FTSJ3: variants seen among roughly 807,000 people sequenced by gnomAD.
The protein encoded by FTSJ3 is FtsJ RNA 2'-O-methyltransferase 3.
FTSJ3 carries 46 observed loss-of-function variants against 111.5 expected under a neutral mutation model. The observed-to-expected ratio is 0.41, with a 90% CI of 0.33 to 0.53. FTSJ3 has a LOEUF of 0.53. Ranked by LOEUF, FTSJ3 falls within the 20% of genes least tolerant of loss-of-function variation. FTSJ3 has a pLI of 0.19. For missense variants in FTSJ3, 1,075 were observed against 1,063.8 expected (o/e 1.01, Z -0.15); for synonymous variants, 408 against 383.0 (o/e 1.07, Z -0.76).
intron 5 of FTSJ3, 60 bp from the exon 6 acceptor site, chr17:63,825,695 T>C (rs542732916): frequency 1.4e-6 from 2 of 1,458,380 alleles, no homozygotes; most frequent in African/African-American, 2.8e-5. Flanking sequence ...GGTTCAGCCA[T>C]TTGTCCATCT....
Position 63,827,080 on chromosome 17 carries a change from T to C in FTSJ3, c.-55A>G, listed in dbSNP as rs1598352208. The stretch of plus-strand genomic sequence containing the variant: ...GACCCAGAGCCGCTTTCTCCACACT[T>C]GGAACCGCACAAGTATGCAGCTAAC... On this transcript the variant is annotated 5_prime_UTR_variant, in exon 1 of 21. Transcript: ENST00000427159. 20 of 634,904 alleles carry C rather than the reference T, an allele frequency of 3.2e-5. No homozygotes were observed. The South Asian group carries it at 3.7e-4, about 12-fold the overall frequency. 39.3% of individuals were successfully genotyped at this position (634,904 alleles called of 1,614,324 possible).
intron 19 of FTSJ3, 39 bp downstream of exon 19, chr17:63,820,215 AC>A (rs780838599): frequency 3.6e-6 from 1 of 279,814 alleles, no homozygotes; most frequent in African/African-American, 6.7e-5. Flanking sequence ...CCATCCCCCC[AC>A]CCCCACCCCA....
chr17:63,825,454 T>C lies in FTSJ3; in HGVS notation c.401-18A>G, dbSNP rs1157787730. 3 of 1,613,890 alleles carry C rather than the reference T, an allele frequency of 1.9e-6. No homozygotes were observed. The South Asian group carries it at 3.3e-5, about 18-fold the overall frequency. ...CAAATGGGCTGTAGGATAGAGACAA[T>C]TAGTTGACGCACTCTGCAGCCCAGG... is the stretch of plus-strand genomic sequence containing the variant. On this transcript the variant is annotated intron_variant, in intron 6 of 20. Transcript: ENST00000427159.
chr17:63,824,376 T>C lies in FTSJ3; in HGVS notation c.953A>G (p.Tyr318Cys). The change falls in exon 11 of 21, where the codon TAT (tyrosine) becomes TGT (cysteine). Residue 318 changes from tyrosine to cysteine, a missense_variant. Tyr to Cys is a radical substitution (Grantham distance 194). Coordinates refer to ENST00000427159, the MANE Select transcript of FTSJ3 (RefSeq NM_017647.4). ...LLNWRTKLRR[Y>C]VAKKLKEQAK... Reference sequence around the variant, plus strand: ...TTGTTCTTTCAGCTTCTTGGCCACATATCGCCGAAGTTTTGTTCTCCAGTT... The same window carrying C: ...TTGTTCTTTCAGCTTCTTGGCCACACATCGCCGAAGTTTTGTTCTCCAGTT... 3 of 1,614,206 alleles carry C rather than the reference T, an allele frequency of 1.9e-6. No individual in the cohort carries two copies. The highest frequency in any genetic ancestry group is 2.5e-6 in the Non-Finnish European group (3 of 1,180,052).
chr17:63,827,325 C>A lies in FTSJ3; in HGVS notation c.-300G>T. 1 of 864,228 alleles carries A rather than the reference C, an allele frequency of 1.2e-6. No homozygotes were observed. The highest frequency in any genetic ancestry group is 1.7e-5 in the African/African-American group (1 of 59,456). 53.5% of individuals were successfully genotyped at this position (864,228 alleles called of 1,614,324 possible). On this transcript the variant is annotated 5_prime_UTR_variant, in exon 1 of 21. Transcript: ENST00000427159. Reference sequence around the variant, plus strand: ...CATCCCCTTCCAAAGCCCCTGAACTCGAGTAGCCGCCCCTCCCATCATGGT... The same window carrying A: ...CATCCCCTTCCAAAGCCCCTGAACTAGAGTAGCCGCCCCTCCCATCATGGT...
chr17:63,821,362 T>G lies in FTSJ3; in HGVS notation c.1878A>C (p.Glu626Asp), dbSNP rs780034648. ...CAGCTGCAACTACTCACCTCTCTTC[T>G]TCCTCACTGCTAGTACTGCTATCAC... ...SDSDSSTSSE[E>D]EESWEPLRGK... The change falls in exon 16 of 21, where the codon GAA (glutamate) becomes GAC (aspartate). Residue 626 changes from glutamate (E) to aspartate (D), a missense_variant. This residue lies in a region of FTSJ3 where 867 missense variants were observed against 796.9 expected (regional missense o/e 1.09). Coordinates refer to ENST00000427159, the MANE Select transcript of FTSJ3 (RefSeq NM_017647.4). The G allele has an allele frequency of 1.9e-6, 3 of 1,605,606 alleles. No individual in the cohort carries two copies. In the Admixed American group the frequency reaches 5.1e-5, roughly 27 times the overall value.
Position 63,827,272 on chromosome 17 carries a change from A to G in FTSJ3, c.-247T>C. ...CTATAAACAGAGTTTCAATGAGGCA[A>G]CACTGAGGAGGAGTTCTACTCCTTC... On this transcript the variant is annotated 5_prime_UTR_variant, in exon 1 of 21. Transcript: ENST00000427159. The G allele has an allele frequency of 1.6e-6, 1 of 623,544 alleles. No individual in the cohort carries two copies. The highest frequency in any genetic ancestry group is 2.9e-5 in the Admixed American group (1 of 34,394). 38.6% of individuals were successfully genotyped at this position (623,544 alleles called of 1,614,324 possible).
At chr17:63,821,686 T>C (rs761918123) in intron 15 of FTSJ3, 37 bp downstream of exon 15, 2 of 1,613,914 alleles carry the variant, frequency 1.2e-6, no homozygotes, top group African/African-American at 2.7e-5. Flanking sequence ...CAAGGAAGAC[T>C]CATCTCCCCG....
At chr17:63,823,078 G>C (rs1354282318) in intron 13 of FTSJ3, among the ~76,000 whole-genome samples, 1 of 152,030 alleles carries the variant, frequency 6.6e-6, no homozygotes, top group Non-Finnish European at 1.5e-5. Context: ...CCACACATAA[G>C]CCACAAAAGT....
At position 63,821,032 on chromosome 17, in the gene FTSJ3, G is replaced by T; in HGVS notation, c.1970C>A (p.Pro657Gln). 1 of 1,613,896 alleles carries T rather than the reference G, an allele frequency of 6.2e-7. No homozygotes were observed. The highest frequency in any genetic ancestry group is 8.5e-7 in the Non-Finnish European group (1 of 1,179,818). The change falls in exon 17 of 21, where the codon CCA becomes CAA. Residue 657 changes from proline (P) to glutamine (Q), a missense_variant and splice_region_variant. By Grantham distance (76) the Pro-to-Gln change is moderately conservative. Around this residue, in one of 2 missense-constraint regions of FTSJ3, gnomAD observed 867 missense variants for 796.9 expected, o/e 1.09. Coordinates refer to ENST00000427159, the MANE Select transcript of FTSJ3 (RefSeq NM_017647.4). Reference protein sequence around the residue: ...DGFEIVPIEDPAKHRILDPEG... With the variant: ...DGFEIVPIEDQAKHRILDPEG... The stretch of plus-strand genomic sequence containing the variant: ...TCCACTGCATACAGAGCTCTCACCT[G>T]GGTCCTCAATAGGCACTATCTCAAA...
In FTSJ3 at chr17:63,827,355, T is replaced by G. The variant is rs575604505; in HGVS notation, c.-330A>C. On this transcript the variant is annotated 5_prime_UTR_variant, in exon 1 of 21. Transcript: ENST00000427159. ...AGCCGCCCCTCCCATCATGGTTCCC[T>G]TAGTGTGGTCTCGCCGCACACCCCG... 3 of 1,212,126 alleles carry G rather than the reference T, an allele frequency of 2.5e-6. No homozygotes were observed. In the East Asian group the frequency reaches 7.6e-5, roughly 31 times the overall value. 75.1% of individuals were successfully genotyped at this position (1,212,126 alleles called of 1,614,324 possible). A position where few individuals can be genotyped will look rare whatever the true frequency, so the allele number is the denominator to read the frequency against.
At position 63,820,120 on chromosome 17, in the gene FTSJ3, T is replaced by C; in HGVS notation, c.2310A>G (p.Thr770=). 1.2e-6 allele frequency: 2 copies of C among 1,614,188 alleles called. No individual in the cohort carries two copies. The highest frequency in any genetic ancestry group is 1.7e-6 in the Non-Finnish European group (2 of 1,180,040). ...CTTTCTCTCGTTCTGAGATGTCCAC[T>C]GTGTTCACCACGGCTTCTGCCTTCT... ...TRKKAEAVVN[T]VDISEREKVA... Residue 770 remains threonine, a synonymous_variant, in exon 20 of 21, where the codon ACA becomes ACG. Transcript: ENST00000427159.
Position 63,821,077 on chromosome 17 carries a change from G to A in FTSJ3, c.1925C>T (p.Pro642Leu), listed in dbSNP as rs145182298. The change falls in exon 17 of 21, where the codon CCT becomes CTT. Residue 642 changes from proline to leucine, a missense_variant. Physicochemically the swap from Pro to Leu is moderately conservative, Grantham distance 98. Around this residue, in one of 2 missense-constraint regions of FTSJ3, gnomAD observed 867 missense variants for 796.9 expected, o/e 1.09. Coordinates refer to ENST00000427159, the MANE Select transcript of FTSJ3 (RefSeq NM_017647.4). ...CTCAAACCCGTCATCATCTGACTTAGGCCCACGGCTTCGCTTCTTACCACG... is the reference window on the plus strand; with the variant it reads ...CTCAAACCCGTCATCATCTGACTTAAGCCCACGGCTTCGCTTCTTACCACG... ...PLRGKKRSRGPKSDDDGFEIV... is the reference protein window; with the variant it reads ...PLRGKKRSRGLKSDDDGFEIV... The A allele has an allele frequency of 1.2e-6, 2 of 1,614,154 alleles. No homozygotes were observed. Among genetic ancestry groups the A allele is most frequent in the South Asian group, 2.2e-5 (2 of 91,076 alleles).
chr17:63,823,318 G>A (rs538255459), intron 13 of FTSJ3, among the ~76,000 whole-genome samples: 2 of 152,216 alleles, frequency 1.3e-5, no homozygotes, highest in East Asian at 1.9e-4. Flanking sequence ...TCTATCAGCC[G>A]GGCGCGGTGG....
Position 63,827,549 on chromosome 17 carries a change from G to A in FTSJ3, c.-524C>T, listed in dbSNP as rs146291249. On this transcript the variant is annotated 5_prime_UTR_variant, in exon 1 of 21. Coordinates refer to ENST00000427159, the MANE Select transcript of FTSJ3 (RefSeq NM_017647.4). Reference sequence around the variant, plus strand: ...GTGCAGTGGCGGCCCGGCAGGTTACGGGGCTGGGTGCGGAGCGAGCGTGAT... The same window carrying A: ...GTGCAGTGGCGGCCCGGCAGGTTACAGGGCTGGGTGCGGAGCGAGCGTGAT... 1.9e-3 allele frequency: 2,940 copies of A among 1,551,452 alleles called. 39 individuals are homozygous for A. In the African/African-American group the frequency reaches 0.031, roughly 16 times the overall value.
chr17:63,825,410 A>G lies in FTSJ3; in HGVS notation c.427T>C (p.Leu143=). The change falls in exon 7 of 21, where the codon TTG becomes CTG. Residue 143 remains leucine (L), a synonymous_variant. Coordinates refer to ENST00000427159, the MANE Select transcript of FTSJ3 (RefSeq NM_017647.4). ...CCACGGGCCAAAAAGTCACAAGCCAAACGTAGAGCCATCAGTGTCAAATGG... is the reference window on the plus strand; with the variant it reads ...CCACGGGCCAAAAAGTCACAAGCCAGACGTAGAGCCATCAGTGTCAAATGG... The part of the protein sequence containing the change: ...QAHLTLMALR[L]ACDFLARGGS... The G allele has an allele frequency of 6.2e-7, 1 of 1,614,210 alleles. No homozygotes were observed.
intron 16 of FTSJ3, 79 bp downstream of exon 16, chr17:63,821,275 G>A: frequency 2.0e-6 from 3 of 1,524,546 alleles, no homozygotes; most frequent in East Asian, 4.5e-5. Context: ...GTGCAGCCAA[G>A]ATTAAGAACC....
chr17:63,825,312 G>C lies in FTSJ3; in HGVS notation c.525C>G (p.Phe175Leu). 6.2e-7 allele frequency: 1 copy of C among 1,614,210 alleles called. No individual in the cohort carries two copies. The highest frequency in any genetic ancestry group is 8.5e-7 in the Non-Finnish European group (1 of 1,180,040). The change falls in exon 7 of 21, where the codon TTC (phenylalanine) becomes TTG (leucine). Residue 175 changes from phenylalanine to leucine, a missense_variant. Physicochemically the swap from Phe to Leu is conservative, Grantham distance 22. Around this residue, in one of 2 missense-constraint regions of FTSJ3, gnomAD observed 208 missense variants for 266.9 expected, o/e 0.78. Transcript: ENST00000427159. The stretch of plus-strand genomic sequence containing the variant: ...GGGGCTTGGTGGCCTGGACACGGCG[G>C]AACAGCTGCTGAAAGATCCATAGCA... ...QPLLWIFQQLFRRVQATKPQA... is the reference protein window; with the variant it reads ...QPLLWIFQQLLRRVQATKPQA...
At chr17:63,823,693 G>A in intron 13 of FTSJ3, 124 bp downstream of exon 13, 1 of 1,061,138 alleles carries the variant, frequency 9.4e-7, no homozygotes, top group African/African-American at 1.6e-5. Flanking sequence ...AAGGCACCCT[G>A]TGGTGAAGAC....
Sources: allele counts gnomAD v4.1 joint callset (sites outside exome capture counted in the v4.1 genomes callset), GRCh38; gene constraint gnomAD v4.1.1; regional missense constraint gnomAD v4.1.1; transcripts MANE v1.5; gene names NCBI Gene and HGNC (gene_info 2026-07-23, HGNC 2026-07-21).